Variants in EYA4 observed in about 807,000 individuals in gnomAD.
EYA4 encodes the protein EYA transcriptional coactivator and phosphatase 4, also known as protein phosphatase EYA4.
In EYA4, 31 loss-of-function variants were observed where a neutral mutation model predicts 87.9. The observed-to-expected ratio is 0.35, with a 90% CI of 0.27 to 0.48. The LOEUF (loss-of-function observed/expected upper bound fraction) is 0.48. Ranked by LOEUF, EYA4 falls within the 20% of genes least tolerant of loss-of-function variation. EYA4 has a pLI of 0.99. For missense variants in EYA4, 678 were observed against 761.4 expected (o/e 0.89, Z 1.29); for synonymous variants, 263 against 270.6 (o/e 0.97, Z 0.28).
At chr6:133,308,942 T>A (rs1764968696) in intron 2 of EYA4, among the ~76,000 whole-genome samples, 1 of 141,768 alleles carries the variant, frequency 7.1e-6, no homozygotes, top group Non-Finnish European at 1.5e-5. Flanking sequence ...TTCAGAGAGG[T>A]ATTTTTTTGA....
At chr6:133,283,319 A>G (rs185596373) in intron 2 of EYA4, among the ~76,000 whole-genome samples, 229 of 152,138 alleles carry the variant, frequency 1.5e-3, no homozygotes, top group African/African-American at 5.3e-3. Context: ...AATATAAAAA[A>G]TAAAATGAAA....
At chr6:133,320,628 A>G (rs1367831378) in intron 2 of EYA4, among the ~76,000 whole-genome samples, 4 of 152,122 alleles carry the variant, frequency 2.6e-5, no homozygotes, top group African/African-American at 9.7e-5. Flanking sequence ...CCATCACCCA[A>G]ACAGTGAACA....
At chr6:133,505,097 C>T (rs1024196289) in intron 13 of EYA4, among the ~76,000 whole-genome samples, 3 of 152,174 alleles carry the variant, frequency 2.0e-5, no homozygotes, top group Admixed American at 2.0e-4. Context: ...AAGGGTTTGT[C>T]CCTTCCAGGT....
intron 2 of EYA4, among the ~76,000 whole-genome samples, chr6:133,311,679 G>A (rs62430323): frequency 0.44 from 66,275 of 151,950 alleles, 15,143 homozygotes; most frequent in Non-Finnish European, 0.52. Context: ...CTAGCTCCCT[G>A]TTGGACTCTA....
intron 11 of EYA4, among the ~76,000 whole-genome samples, chr6:133,478,459 A>C (rs1230655400): frequency 2.0e-5 from 3 of 152,078 alleles, no homozygotes; most frequent in Non-Finnish European, 4.4e-5. Flanking sequence ...ATATATATAT[A>C]CATGAAGAAG....
chr6:133,461,441 A>G (rs1171585368), intron 7 of EYA4, among the ~76,000 whole-genome samples: 2 of 152,166 alleles, frequency 1.3e-5, no homozygotes, highest in Non-Finnish European at 2.9e-5. Context: ...ATCTAAAGAG[A>G]TTACATTTTA....
At chr6:133,388,337 G>A (rs942435885) in intron 3 of EYA4, among the ~76,000 whole-genome samples, 6 of 151,586 alleles carry the variant, frequency 4.0e-5, no homozygotes, top group Non-Finnish European at 5.9e-5. Context: ...AACCTGGGGG[G>A]CGGAGGTTGC....
intron 19 of EYA4, among the ~76,000 whole-genome samples, chr6:133,526,183 T>C (rs1204956765): frequency 6.6e-6 from 1 of 152,144 alleles, no homozygotes; most frequent in African/African-American, 2.4e-5. Context: ...CACCGAATGA[T>C]AGAAAAATAT....
rs1024657985 is a variant in EYA4 at position 133,301,527 on chromosome 6, G to A, written c.33+26714G>A. On this transcript the variant is annotated intron_variant, in intron 2 of 19. Transcript: ENST00000355286. Reference sequence around the variant, plus strand: ...AATAGCTGCACATATGATATTAATAGCCAGCATTTATCAAGGAATTACTGC... The same window carrying A: ...AATAGCTGCACATATGATATTAATAACCAGCATTTATCAAGGAATTACTGC... 3.3e-5 allele frequency among the ~76,000 whole-genome samples: 5 copies of A among 152,158 alleles called. No individual in the cohort carries two copies. In the East Asian group the frequency reaches 7.7e-4, roughly 23 times the overall value.
chr6:133,454,735 T>C (rs1012040084), intron 5 of EYA4, among the ~76,000 whole-genome samples: 17 of 152,146 alleles, frequency 1.1e-4, no homozygotes, highest in African/African-American at 3.9e-4. Context: ...GAGGAAGAAA[T>C]GGGAAACATG....
At chr6:133,244,973 C>A (rs1266454860) in intron 1 of EYA4, 1 of 152,096 alleles carries the variant, frequency 6.6e-6, no homozygotes, top group Non-Finnish European at 1.5e-5. Context: ...CCCACAAAAA[C>A]TCACAGTTTT....
At chr6:133,522,798 A>G (rs993147301) in intron 17 of EYA4, among the ~76,000 whole-genome samples, 3 of 152,150 alleles carry the variant, frequency 2.0e-5, no homozygotes, top group Admixed American at 2.0e-4. Flanking sequence ...ACATTTGCCT[A>G]CGTATGACTT....
chr6:133,518,304 C>T (rs970299853), intron 17 of EYA4, among the ~76,000 whole-genome samples: 1 of 151,522 alleles, frequency 6.6e-6, no homozygotes, highest in Non-Finnish European at 1.5e-5. Flanking sequence ...TGTGATATTC[C>T]AGAAATAAAT....
intron 14 of EYA4, 89 bp downstream of exon 14, chr6:133,506,284 A>G (rs1301491442): frequency 8.0e-6 from 6 of 749,650 alleles, no homozygotes; most frequent in Non-Finnish European, 1.4e-5. Context: ...GAGAAAACAG[A>G]AAGATAAAAA....
rs778226541 is a variant in EYA4, at chr6:133,525,150, C to T, written c.1739-4C>T. ...CTCTGAACTTTATCTCATTTATCTT[C>T]CAGGAAAAGAAAGTTGCTTTGAACG... On this transcript the variant is annotated splice_region_variant and splice_polypyrimidine_tract_variant and intron_variant, in intron 18 of 19. Transcript: ENST00000355286. 6.2e-7 allele frequency: 1 copy of T among 1,613,540 alleles called. No individual in the cohort carries two copies. The highest frequency in any genetic ancestry group is 8.5e-7 in the Non-Finnish European group (1 of 1,179,706).
At chr6:133,282,015 AT>A (rs1265005743) in intron 2 of EYA4, among the ~76,000 whole-genome samples, 1 of 151,562 alleles carries the variant, frequency 6.6e-6, no homozygotes, top group Non-Finnish European at 1.5e-5. Context: ...TATCCATTCC[AT>A]TGTTGTGGGC....
intron 2 of EYA4, among the ~76,000 whole-genome samples, chr6:133,359,294 T>A (rs1428254921): frequency 3.9e-5 from 6 of 152,186 alleles, no homozygotes; most frequent in Non-Finnish European, 8.8e-5. Flanking sequence ...AGTCCTAGGC[T>A]CTTTGTGCTG....
At chr6:133,478,155 T>G (rs1300622770) in intron 11 of EYA4, among the ~76,000 whole-genome samples, 4 of 152,054 alleles carry the variant, frequency 2.6e-5, no homozygotes, top group Non-Finnish European at 5.9e-5. Context: ...TAAGAGTAAA[T>G]TAATACTGTC....
intron 2 of EYA4, among the ~76,000 whole-genome samples, chr6:133,278,931 G>T (rs1451768290): frequency 6.6e-6 from 1 of 152,042 alleles, no homozygotes; most frequent in Admixed American, 6.5e-5. Context: ...GTGAATGTAG[G>T]TTATACCTAG....
Sources: allele counts gnomAD v4.1 joint callset (sites outside exome capture counted in the v4.1 genomes callset), GRCh38; gene constraint gnomAD v4.1.1; transcripts MANE v1.5; gene names NCBI Gene and HGNC (gene_info 2026-07-23, HGNC 2026-07-21).